HMGN1: variants seen among roughly 807,000 people sequenced by gnomAD.
HMGN1 encodes non-histone chromosomal protein HMG-14.
In HMGN1, 9 loss-of-function variants were observed where a neutral mutation model predicts 18.4. The observed-to-expected ratio is 0.49, with a 90% CI of 0.29 to 0.85. HMGN1 has a LOEUF of 0.85. Among genes scored for constraint, HMGN1 ranks in the 40% least tolerant of loss-of-function variants. The probability of loss-of-function intolerance (pLI) is 0.07; values close to 1 mark genes in which losing one functional copy is unlikely to be tolerated. For synonymous variants in HMGN1, 59 were observed against 45.0 expected (o/e 1.31, Z -1.24); for missense variants, 151 against 119.2 (o/e 1.27, Z -1.24).
intron 5 of HMGN1, among the ~76,000 whole-genome samples, chr21:39,344,243 C>A: frequency 1.2e-5 from 1 of 83,546 alleles, no homozygotes; most frequent in African/African-American, 5.0e-5. Context: ...GCAACAAGAG[C>A]GAAATTCCGT....
chr21:39,343,241 A>T, intron 5 of HMGN1, 82 bp from the exon 6 acceptor site: 2 of 1,363,646 alleles, frequency 1.5e-6, no homozygotes, highest in Non-Finnish European at 1.0e-6. Flanking sequence ...TCTTTAAAAA[A>T]GTCAATAACC....
intron 5 of HMGN1, among the ~76,000 whole-genome samples, chr21:39,344,100 CA>C (rs1382261256): frequency 2.6e-5 from 4 of 151,686 alleles, no homozygotes; most frequent in Non-Finnish European, 4.4e-5. Context: ...ACTAAAAATA[CA>C]AAAAATTAGT....
rs2036896505 is a variant in HMGN1, at chr21:39,342,525, C to A, written c.*587G>T. ...GTATCTTCACGTTGGTCAGCTGTTA[C>A]ATACGGCCCACCAGTTCACAACTCA... On this transcript the variant is annotated 3_prime_UTR_variant, in exon 6 of 6. Transcript: ENST00000380749. 8.7e-6 allele frequency: 2 copies of A among 229,334 alleles called. No homozygotes were observed. The highest frequency in any genetic ancestry group is 1.8e-5 in the Non-Finnish European group (2 of 112,912). 14.2% of individuals were successfully genotyped at this position (229,334 alleles called of 1,614,324 possible).
intron 5 of HMGN1, among the ~76,000 whole-genome samples, chr21:39,344,011 T>C (rs1374309445): frequency 6.6e-6 from 1 of 152,154 alleles, no homozygotes; most frequent in Non-Finnish European, 1.5e-5. Context: ...TACCAGCACT[T>C]TGTGAGGCCA....
chr21:39,348,748 G>T, intron 1 of HMGN1, 155 bp downstream of exon 1: 1 of 1,085,854 alleles, frequency 9.2e-7, no homozygotes, highest in South Asian at 2.0e-5. Flanking sequence ...GCCCGCCCCC[G>T]CGGCCGCCGA....
In HMGN1 at chr21:39,348,570, G is replaced by A. The variant is rs1327453563; in HGVS notation, c.23C>T (p.Ser8Phe). The change falls in exon 2 of 6, where the codon TCC becomes TTC. Residue 8 changes from serine (S) to phenylalanine (F), a missense_variant. Transcript: ENST00000380749. Reference protein sequence around the residue: MPKRKVSSAEGAAKEEPK... With the variant: MPKRKVSFAEGAAKEEPK... Reference sequence around the variant, plus strand: ...CTCTTCCTTGGCGGCGCCTTCGGCGGAGCTGACCTGCGGAGACGGAGACGC... The same window carrying A: ...CTCTTCCTTGGCGGCGCCTTCGGCGAAGCTGACCTGCGGAGACGGAGACGC... The A allele has an allele frequency of 1.2e-6, 2 of 1,608,628 alleles. No homozygotes were observed. The highest frequency in any genetic ancestry group is 1.7e-5 in the Admixed American group (1 of 58,712).
intron 4 of HMGN1, chr21:39,347,897 T>C (rs1303803284): frequency 3.0e-6 from 2 of 676,822 alleles, no homozygotes; most frequent in East Asian, 1.4e-4. Context: ...GCTTGGAAAC[T>C]GTATATATAA....
chr21:39,345,691 T>C, intron 4 of HMGN1: 1 of 524,484 alleles, frequency 1.9e-6, no homozygotes, highest in Non-Finnish European at 3.3e-6. Context: ...TCCCTACAGT[T>C]CCACATGACA....
In HMGN1 at chr21:39,348,351, A is replaced by G. The variant is rs767316863; in HGVS notation, c.79-12T>C. The G allele has an allele frequency of 2.0e-5, 33 of 1,614,032 alleles. No homozygotes were observed. The Admixed American group carries it at 5.3e-4, about 26-fold the overall frequency. Reference sequence around the variant, plus strand: ...TTTGCAGGAGGTTTCTGAAAGGCAAAAGCAGCACTGAGCGTCCTCACCCGG... The same window carrying G: ...TTTGCAGGAGGTTTCTGAAAGGCAAGAGCAGCACTGAGCGTCCTCACCCGG... On this transcript the variant is annotated splice_polypyrimidine_tract_variant and intron_variant, in intron 3 of 5. Transcript: ENST00000380749.
rs1238768540 is a variant in HMGN1 at position 39,342,917 on chromosome 21, A to T, written c.*195T>A. ...TTTCTGGTTGTACCAAAAAATAAAC[A>T]ACCAGCAAATGATTTCACCTCTTAA... On this transcript the variant is annotated 3_prime_UTR_variant, in exon 6 of 6. Coordinates refer to ENST00000380749, the MANE Select transcript of HMGN1 (RefSeq NM_004965.7). The T allele has an allele frequency of 6.2e-6, 8 of 1,297,226 alleles. No individual in the cohort carries two copies. The highest frequency in any genetic ancestry group is 8.5e-6 in the Non-Finnish European group (8 of 938,346). 80.4% of individuals were successfully genotyped at this position (1,297,226 alleles called of 1,614,324 possible).
At position 39,348,553 on chromosome 21, in the gene HMGN1, TGGCGGCGCCTTC is replaced by T. The variant is rs752638915; in HGVS notation, c.28_39del (p.Glu10_Ala13del). 3 of 1,579,756 alleles carry T rather than the reference TGGCGGCGCCTTC, an allele frequency of 1.9e-6. No individual in the cohort carries two copies. Among genetic ancestry groups the T allele is most frequent in the South Asian group, 1.1e-5 (1 of 90,530 alleles). On this transcript the variant is annotated inframe_deletion, in exon 2 of 6. Transcript: ENST00000380749. ...AGAAGGCCCGCACTCACCTCTTCCT[TGGCGGCGCCTTC>T]GGCGGAGCTGACCTGCGGAGACGGA... is the stretch of plus-strand genomic sequence containing the variant.
rs1281586304 is a variant in HMGN1, at chr21:39,348,405, G to C, written c.78+17C>G. The C allele has an allele frequency of 1.9e-6, 3 of 1,614,082 alleles. No individual in the cohort carries two copies. The highest frequency in any genetic ancestry group is 2.5e-6 in the Non-Finnish European group (3 of 1,180,046). ...GACCCGCGGAAAACGAACGGTTACG[G>C]GGCTCGCTTTACTTACAGCTGACAA... On this transcript the variant is annotated intron_variant, in intron 3 of 5. Coordinates refer to ENST00000380749, the MANE Select transcript of HMGN1 (RefSeq NM_004965.7).
chr21:39,344,329 TTTC>T (rs2036969505), intron 5 of HMGN1, among the ~76,000 whole-genome samples: 1 of 151,442 alleles, frequency 6.6e-6, no homozygotes, highest in African/African-American at 2.4e-5. Context: ...TGATTATAAA[TTTC>T]TTAACTTAGG....
intron 5 of HMGN1, among the ~76,000 whole-genome samples, chr21:39,343,523 A>T (rs1030271182): frequency 9.2e-5 from 14 of 152,212 alleles, no homozygotes; most frequent in Admixed American, 9.2e-4. Flanking sequence ...TTTGTTGTTT[A>T]AAATGGCCCC....
chr21:39,348,380 G>C (rs755484342), intron 3 of HMGN1, 41 bp from the exon 4 acceptor site: 21 of 1,614,138 alleles, frequency 1.3e-5, no homozygotes, highest in East Asian at 2.2e-5. Context: ...CACCCGGGAC[G>C]ACCCGCGGAA....
chr21:39,346,077 A>C, intron 4 of HMGN1: 1 of 535,500 alleles, frequency 1.9e-6, no homozygotes, highest in South Asian at 1.7e-5. Context: ...CTGAGAAGAA[A>C]GCTTAACATT....
At chr21:39,344,342 G>T (rs569406998) in intron 5 of HMGN1, among the ~76,000 whole-genome samples, 4 of 151,268 alleles carry the variant, frequency 2.6e-5, no homozygotes, top group South Asian at 2.1e-4. Context: ...CTTAACTTAG[G>T]AATAAGTAGT....
At chr21:39,343,696 G>A (rs1443192817) in intron 5 of HMGN1, among the ~76,000 whole-genome samples, 1 of 152,300 alleles carries the variant, frequency 6.6e-6, no homozygotes, top group African/African-American at 2.4e-5. Context: ...TGTCTAAACA[G>A]AAATACACAT....
rs531131419 is a variant in HMGN1 at position 39,348,346 on chromosome 21, G to C, written c.79-7C>G. 30 of 1,614,050 alleles carry C rather than the reference G, an allele frequency of 1.9e-5. No homozygotes were observed. The highest frequency in any genetic ancestry group is 2.5e-5 in the Non-Finnish European group (29 of 1,180,040). On this transcript the variant is annotated splice_region_variant and splice_polypyrimidine_tract_variant and intron_variant, in intron 3 of 5. Transcript: ENST00000380749. ...CCACTTTTGCAGGAGGTTTCTGAAA[G>C]GCAAAAGCAGCACTGAGCGTCCTCA...
Sources: allele counts gnomAD v4.1 joint callset (sites outside exome capture counted in the v4.1 genomes callset), GRCh38; gene constraint gnomAD v4.1.1; transcripts MANE v1.5; gene names NCBI Gene and HGNC (gene_info 2026-07-23, HGNC 2026-07-21).